Variants in DTD1 observed in about 807,000 individuals in gnomAD.
The protein encoded by DTD1 is D-aminoacyl-tRNA deacylase 1, also known as D-tyrosyl-tRNA deacylase 1 homolog.
A neutral mutation model predicts 25.6 loss-of-function variants in DTD1; 13 were observed. That is an observed-to-expected ratio of 0.51 (90% CI 0.33 to 0.81). The LOEUF (loss-of-function observed/expected upper bound fraction) is 0.81. Ranked by LOEUF, DTD1 falls within the 30% of genes least tolerant of loss-of-function variation. The pLI is 0.02. For synonymous variants in DTD1, 110 were observed against 103.6 expected (o/e 1.06, Z -0.37); for missense variants, 193 against 266.4 (o/e 0.72, Z 1.92).
At chr20:18,663,195 A>G (rs1183115977) in intron 4 of DTD1, among the ~76,000 whole-genome samples, 1 of 152,100 alleles carries the variant, frequency 6.6e-6, no homozygotes, top group Admixed American at 6.6e-5. Context: ...CCTTGTTTTC[A>G]TGATCTAGTT....
intron 4 of DTD1, among the ~76,000 whole-genome samples, chr20:18,705,771 G>T (rs954726360): frequency 1.3e-5 from 2 of 152,178 alleles, no homozygotes; most frequent in Non-Finnish European, 2.9e-5. Flanking sequence ...AATGCCAAAG[G>T]TTGGAAACAT....
intron 4 of DTD1, among the ~76,000 whole-genome samples, chr20:18,666,936 A>G (rs1179163208): frequency 6.6e-6 from 1 of 152,156 alleles, no homozygotes; most frequent in African/African-American, 2.4e-5. Flanking sequence ...CTAAGTGCAG[A>G]TTGTGGGAGG....
At chr20:18,724,730 A>G (rs2061217279) in intron 4 of DTD1, among the ~76,000 whole-genome samples, 1 of 152,234 alleles carries the variant, frequency 6.6e-6, no homozygotes, top group Non-Finnish European at 1.5e-5. Context: ...TGACCTAAAA[A>G]CAGGAGCCTT....
At chr20:18,669,731 C>T (rs965956122) in intron 4 of DTD1, among the ~76,000 whole-genome samples, 4 of 152,162 alleles carry the variant, frequency 2.6e-5, no homozygotes, top group Non-Finnish European at 4.4e-5. Context: ...GAGGCCTTAT[C>T]ACTCCAAACT....
chr20:18,652,809 G>A (rs1441376115), intron 4 of DTD1, among the ~76,000 whole-genome samples: 5 of 152,186 alleles, frequency 3.3e-5, no homozygotes, highest in Admixed American at 2.0e-4. Context: ...AAAATGCTTT[G>A]TAGACTGCAA....
intron 4 of DTD1, among the ~76,000 whole-genome samples, chr20:18,667,011 G>A (rs1164812245): frequency 1.3e-5 from 2 of 152,078 alleles, no homozygotes; most frequent in African/African-American, 4.8e-5. Flanking sequence ...CCAGCCAAAC[G>A]GTTCCATCCA....
Position 18,596,176 on chromosome 20 carries a change from C to T in DTD1, c.305C>T (p.Ala102Val), listed in dbSNP as rs138223373. Reference protein sequence around the residue: ...DFHLAMPTEQAEGFYNSFLEQ... With the variant: ...DFHLAMPTEQVEGFYNSFLEQ... ...CACCTAGCAATGCCCACGGAGCAGGCAGAGGGCTTCTACAACAGCTTCCTG... is the reference window on the plus strand; with the variant it reads ...CACCTAGCAATGCCCACGGAGCAGGTAGAGGGCTTCTACAACAGCTTCCTG... Residue 102 changes from alanine (A) to valine (V), a missense_variant, in exon 3 of 6, where the codon GCA becomes GTA. Coordinates refer to ENST00000377452, the MANE Select transcript of DTD1 (RefSeq NM_080820.6). 3.7e-4 allele frequency: 601 copies of T among 1,614,134 alleles called. 3 individuals carry two copies. Among genetic ancestry groups the T allele is most frequent in the Non-Finnish European group, 6.4e-5 (76 of 1,180,014 alleles).
intron 3 of DTD1, among the ~76,000 whole-genome samples, chr20:18,612,735 T>C (rs2060692623): frequency 6.6e-6 from 1 of 152,114 alleles, no homozygotes; most frequent in Admixed American, 6.5e-5. Flanking sequence ...CTGGGCTCAC[T>C]GCAACCTCCT....
intron 5 of DTD1, among the ~76,000 whole-genome samples, chr20:18,750,374 C>T (rs1367875106): frequency 6.6e-6 from 1 of 152,184 alleles, no homozygotes; most frequent in African/African-American, 2.4e-5. Flanking sequence ...CAGCAGCCCC[C>T]TCACTATGAA....
At chr20:18,647,326 G>GT (rs1401101344) in intron 4 of DTD1, among the ~76,000 whole-genome samples, 1 of 152,084 alleles carries the variant, frequency 6.6e-6, no homozygotes, top group Non-Finnish European at 1.5e-5. Flanking sequence ...ATAAGCCATG[G>GT]TTTTTTTCTT....
At chr20:18,600,810 A>T (rs191275258) in intron 3 of DTD1, among the ~76,000 whole-genome samples, 34 of 152,210 alleles carry the variant, frequency 2.2e-4, no homozygotes, top group Admixed American at 7.9e-4. Flanking sequence ...TAGATATTCT[A>T]ATTTTTTTTA....
chr20:18,592,926 C>T (rs2060595871), intron 1 of DTD1, among the ~76,000 whole-genome samples: 1 of 152,144 alleles, frequency 6.6e-6, no homozygotes. Context: ...CATATGACTG[C>T]CTGCCTCAGC....
chr20:18,609,745 C>T (rs1386705717), intron 3 of DTD1, among the ~76,000 whole-genome samples: 1 of 152,154 alleles, frequency 6.6e-6, no homozygotes, highest in African/African-American at 2.4e-5. Flanking sequence ...AACATTCCCA[C>T]CTTAATTCAA....
intron 3 of DTD1, among the ~76,000 whole-genome samples, chr20:18,600,112 A>G (rs1277613677): frequency 6.6e-6 from 1 of 152,188 alleles, no homozygotes; most frequent in Non-Finnish European, 1.5e-5. Flanking sequence ...TAATTTTAAT[A>G]AAGCTTAGCT....
chr20:18,729,330 A>G (rs1258488785), intron 4 of DTD1, among the ~76,000 whole-genome samples: 1 of 152,220 alleles, frequency 6.6e-6, no homozygotes, highest in Non-Finnish European at 1.5e-5. Context: ...GTTTGCTAAC[A>G]TTTCTTTTCA....
chr20:18,627,996 C>G (rs2060766365), intron 3 of DTD1, 131 bp from the exon 4 acceptor site: 4 of 749,966 alleles, frequency 5.3e-6, no homozygotes, highest in Non-Finnish European at 8.6e-6. Context: ...CGTTAAACCT[C>G]TTTCTTTTGT....
chr20:18,736,039 G>A (rs2061253815), intron 4 of DTD1, among the ~76,000 whole-genome samples: 1 of 152,064 alleles, frequency 6.6e-6, no homozygotes, highest in Non-Finnish European at 1.5e-5. Flanking sequence ...GAAGCCAAAA[G>A]GTTGGACATC....
chr20:18,588,821 C>G (rs2060577018), intron 1 of DTD1: 2 of 985,214 alleles, frequency 2.0e-6, no homozygotes, highest in African/African-American at 3.5e-5. Flanking sequence ...ACTTTCGTCT[C>G]GGTTGGGCAT....
chr20:18,657,082 C>G (rs906637192), intron 4 of DTD1, among the ~76,000 whole-genome samples: 1 of 152,186 alleles, frequency 6.6e-6, no homozygotes, highest in Admixed American at 6.5e-5. Flanking sequence ...CACTAATCCA[C>G]AGATCTTCTT....
Sources: gnomAD v4.1 joint callset for allele counts (sites outside exome capture counted in the v4.1 genomes callset) on GRCh38, gnomAD v4.1.1 for gene constraint, MANE v1.5 for transcripts, NCBI Gene and HGNC (gene_info 2026-07-23, HGNC 2026-07-21) for gene names.